ZFYVE26: variants seen among roughly 807,000 people sequenced by gnomAD.
ZFYVE26 encodes the protein zinc finger FYVE-type containing 26, also known as zinc finger FYVE domain-containing protein 26.
ZFYVE26 carries 181 observed loss-of-function variants against 276.5 expected under a neutral mutation model. The ratio of observed to expected loss-of-function variants is 0.65; its 90% CI spans 0.58 to 0.74. The LOEUF is 0.74. Among genes scored for constraint, ZFYVE26 ranks in the 30% least tolerant of loss-of-function variants. ZFYVE26 has a pLI of 0.00. For missense variants in ZFYVE26, 2,821 were observed against 3,097.9 expected (o/e 0.91, Z 2.12); for synonymous variants, 1,129 against 1,203.1 (o/e 0.94, Z 1.27).
Position 67,748,516 on chromosome 14 carries a change from C to T in ZFYVE26, c.7540G>A (p.Ala2514Thr). The stretch of plus-strand genomic sequence containing the variant: ...TGGGCACAGATGTCTTGCACTACTG[C>T]ATCCCCGCTGCTCTTGGCGGCCTGC... ...VQQAAKSSGDAVVQDICAQWL... is the reference protein window; with the variant it reads ...VQQAAKSSGDTVVQDICAQWL... Residue 2514 changes from alanine (A) to threonine (T), a missense_variant, in exon 42 of 42, where the codon GCA becomes ACA. Coordinates refer to ENST00000347230, the MANE Select transcript of ZFYVE26 (RefSeq NM_015346.4). The T allele has an allele frequency of 6.2e-7, 1 of 1,613,968 alleles. No individual in the cohort carries two copies. The highest frequency in any genetic ancestry group is 8.5e-7 in the Non-Finnish European group (1 of 1,179,982).
intron 5 of ZFYVE26, 105 bp downstream of exon 5, chr14:67,807,293 A>C: frequency 6.7e-7 from 1 of 1,497,484 alleles, no homozygotes. Flanking sequence ...AGCCTCCCCT[A>C]TTAGATGTCC....
At chr14:67,811,003 C>T (rs2040289008) in intron 3 of ZFYVE26, among the ~76,000 whole-genome samples, 2 of 152,130 alleles carry the variant, frequency 1.3e-5, no homozygotes, top group Non-Finnish European at 2.9e-5. Context: ...CTAATGTGTT[C>T]TTGGTCCAAA....
At chr14:67,808,241 T>A (rs2040226270) in intron 4 of ZFYVE26, among the ~76,000 whole-genome samples, 1 of 152,238 alleles carries the variant, frequency 6.6e-6, no homozygotes, top group African/African-American at 2.4e-5. Context: ...CTCCAAAATG[T>A]GTACTGGTGA....
intron 13 of ZFYVE26, chr14:67,733,888 C>T: frequency 6.9e-7 from 1 of 1,454,706 alleles, no homozygotes. Flanking sequence ...CCAATCCATG[C>T]CATAATGAAC....
At chr14:67,752,051 C>G (rs908751837) in intron 40 of ZFYVE26, among the ~76,000 whole-genome samples, 3 of 152,140 alleles carry the variant, frequency 2.0e-5, no homozygotes, top group Admixed American at 2.0e-4. Context: ...GCTGGCCCAC[C>G]CTGACCTCCT....
intron 23 of ZFYVE26, among the ~76,000 whole-genome samples, chr14:67,778,554 T>G (rs1019730201): frequency 2.6e-5 from 4 of 152,242 alleles, no homozygotes; most frequent in African/African-American, 9.6e-5. Flanking sequence ...GCAGGCCCAA[T>G]GTTGTCAGAC....
intron 10 of ZFYVE26, among the ~76,000 whole-genome samples, chr14:67,800,660 T>A (rs1020030254): frequency 3.3e-5 from 5 of 152,122 alleles, no homozygotes; most frequent in Non-Finnish European, 7.4e-5. Flanking sequence ...AGATTTTCAT[T>A]TCTATGTAGA....
intron 13 of ZFYVE26, chr14:67,733,898 C>T: frequency 7.1e-7 from 1 of 1,409,928 alleles, no homozygotes; most frequent in South Asian, 1.2e-5. Flanking sequence ...CCATAATGAA[C>T]AGGGACCAAG....
At position 67,750,957 on chromosome 14, in the gene ZFYVE26, T is replaced by C. The variant is rs555606544; in HGVS notation, c.7416+95A>G. ...TACAGAAGCTGAGATACGGGTTGTA[T>C]GGAACTATTGTGGGGAGCAAGGGAT... On this transcript the variant is annotated intron_variant, in intron 41 of 41. Coordinates refer to ENST00000347230, the MANE Select transcript of ZFYVE26 (RefSeq NM_015346.4). 46 of 1,464,464 alleles carry C rather than the reference T, an allele frequency of 3.1e-5. No individual in the cohort carries two copies. In the African/African-American group the frequency reaches 6.0e-4, roughly 19 times the overall value. 90.7% of individuals were successfully genotyped at this position (1,464,464 alleles called of 1,614,324 possible).
rs150010519 is a variant in ZFYVE26 at position 67,783,457 on chromosome 14, C to T, written c.3695G>A (p.Cys1232Tyr). 8.7e-5 allele frequency: 140 copies of T among 1,613,922 alleles called. No individual in the cohort carries two copies. Among genetic ancestry groups the T allele is most frequent in the African/African-American group, 1.9e-4 (14 of 74,924 alleles). ...SVPQVIVSCC[C>Y]EPLALCSSRQ... ...GGATGAGCAAAGAGCAAGGGGCTCACAGCAGCAGCTGACGATGACCTGTGG... is the reference window on the plus strand; with the variant it reads ...GGATGAGCAAAGAGCAAGGGGCTCATAGCAGCAGCTGACGATGACCTGTGG... Residue 1232 changes from cysteine (C) to tyrosine (Y), a missense_variant, in exon 21 of 42, where the codon TGT becomes TAT. Physicochemically the swap from Cys to Tyr is radical, Grantham distance 194 (BLOSUM62 -2). Transcript: ENST00000347230.
At chr14:67,794,272 T>C in intron 12 of ZFYVE26, 33 bp from the exon 13 acceptor site, 1 of 1,600,290 alleles carries the variant, frequency 6.2e-7, no homozygotes, top group Non-Finnish European at 8.6e-7. Context: ...AGAAAGTCAA[T>C]TATCAGCTCC....
At position 67,761,536 on chromosome 14, in the gene ZFYVE26, G is replaced by C. The variant is rs745789683; in HGVS notation, c.6418C>G (p.Arg2140Gly). The C allele has an allele frequency of 1.2e-6, 2 of 1,614,182 alleles. No individual in the cohort carries two copies. Among genetic ancestry groups the C allele is most frequent in the East Asian group, 2.2e-5 (1 of 44,888 alleles). ...ATLRELEATLRTQSLSLAVIP... is the reference protein window; with the variant it reads ...ATLRELEATLGTQSLSLAVIP... The stretch of plus-strand genomic sequence containing the variant: ...ACTGCCAGAGAAAGGCTCTGCGTCC[G>C]AAGGGTAGCTTCCAGTTCCCTCAGG... Residue 2140 changes from arginine (R) to glycine (G), a missense_variant, in exon 35 of 42, where the codon CGG (arginine) becomes GGG (glycine). By Grantham distance (125) the Arg-to-Gly change is moderately radical. Coordinates refer to ENST00000347230, the MANE Select transcript of ZFYVE26 (RefSeq NM_015346.4).
intron 16 of ZFYVE26, among the ~76,000 whole-genome samples, chr14:67,786,681 A>G (rs983849700): frequency 3.3e-5 from 5 of 152,256 alleles, no homozygotes; most frequent in Admixed American, 2.0e-4. Flanking sequence ...TAATCTGGAA[A>G]CACAGTAGTC....
chr14:67,806,802 T>G (rs2040190488), intron 5 of ZFYVE26, 127 bp from the exon 6 acceptor site: 2 of 1,122,420 alleles, frequency 1.8e-6, no homozygotes, highest in African/African-American at 1.5e-5. Context: ...TTTCCATACT[T>G]TATCTTAGGG....
At position 67,780,372 on chromosome 14, in the gene ZFYVE26, A is replaced by G. The variant is rs45478592; in HGVS notation, c.4570-27T>C. On this transcript the variant is annotated intron_variant, in intron 22 of 41. Coordinates refer to ENST00000347230, the MANE Select transcript of ZFYVE26 (RefSeq NM_015346.4). ...TAAGGAAAGACAAGAAAATCCGTCA[A>G]ACCACACTGCAGCTTCTCCCTCCAT... 0.019 allele frequency: 29,853 copies of G among 1,591,122 alleles called. 376 individuals carry two copies. Among genetic ancestry groups the G allele is most frequent in the Middle Eastern group, 0.049 (292 of 5,914 alleles).
intron 13 of ZFYVE26, among the ~76,000 whole-genome samples, chr14:67,731,978 T>C (rs2038282394): frequency 6.6e-6 from 1 of 151,442 alleles, no homozygotes; most frequent in African/African-American, 2.4e-5. Flanking sequence ...ATACAAAAAA[T>C]TAGCTGATCA....
intron 30 of ZFYVE26, among the ~76,000 whole-genome samples, chr14:67,768,247 C>A (rs1343413085): frequency 1.3e-5 from 2 of 152,170 alleles, no homozygotes; most frequent in Non-Finnish European, 2.9e-5. Context: ...TTAAGAAAAA[C>A]TAAAATAAAA....
rs2039995795 is a variant in ZFYVE26 at position 67,798,118 on chromosome 14, C to G, written c.2144G>C (p.Cys715Ser). Residue 715 changes from cysteine to serine, a missense_variant, in exon 11 of 42, where the codon TGC (cysteine) becomes TCC (serine). By Grantham distance (112) the Cys-to-Ser change is moderately radical. Coordinates refer to ENST00000347230, the MANE Select transcript of ZFYVE26 (RefSeq NM_015346.4). ...CTGCAGTCCATCTCTGCTTCCTGAG[C>G]AGCTCTGACTTTCTTGCTTTGGCTT... ...PEKPKQESQS[C>S]SGSRDGLQSR... The G allele has an allele frequency of 6.2e-7, 1 of 1,614,176 alleles. No individual in the cohort carries two copies. Among genetic ancestry groups the G allele is most frequent in the East Asian group, 2.2e-5 (1 of 44,884 alleles).
At chr14:67,734,822 C>A (rs1203828811) in intron 13 of ZFYVE26, among the ~76,000 whole-genome samples, 2 of 152,192 alleles carry the variant, frequency 1.3e-5, no homozygotes, top group African/African-American at 4.8e-5. Context: ...CTGCGTTATC[C>A]CCATCTCCTT....
Sources: gnomAD v4.1 joint callset for allele counts (sites outside exome capture counted in the v4.1 genomes callset) on GRCh38, gnomAD v4.1.1 for gene constraint, MANE v1.5 for transcripts, NCBI Gene and HGNC (gene_info 2026-07-23, HGNC 2026-07-21) for gene names.